DAB1: variants seen among roughly 807,000 people sequenced by gnomAD.
DAB1 encodes the protein DAB adaptor protein 1.
DAB1 carries 15 observed loss-of-function variants against 64.6 expected under a neutral mutation model. The ratio of observed to expected loss-of-function variants is 0.23; its 90% CI spans 0.16 to 0.36. The LOEUF is 0.36. DAB1 is among the 10% of genes least tolerant of loss of function. The probability of loss-of-function intolerance (pLI) is 1.00; values close to 1 mark genes in which losing one functional copy is unlikely to be tolerated. For missense variants in DAB1, 596 were observed against 706.7 expected, an observed-to-expected ratio of 0.84 and a Z score of 1.78; for synonymous variants, 235 against 251.9, an observed-to-expected ratio of 0.93 and a Z score of 0.64.
At chr1:58,041,011 A>C (rs1231219104) in intron 5 of DAB1, among the ~76,000 whole-genome samples, 1 of 152,218 alleles carries the variant, frequency 6.6e-6, no homozygotes, top group Non-Finnish European at 1.5e-5. Context: ...GATACATTAC[A>C]GTTCCGTAAA....
intron 6 of DAB1, among the ~76,000 whole-genome samples, chr1:57,673,123 T>C (rs1215878377): frequency 6.6e-6 from 1 of 152,138 alleles, no homozygotes; most frequent in East Asian, 1.9e-4. Context: ...GCAAATTAGG[T>C]GTCTGGTGAG....
rs192028534 is a variant in DAB1, at chr1:57,898,565, C to A, written n.388-14403G>T. On this transcript the variant is annotated intron_variant and non_coding_transcript_variant, in intron 5 of 20. Transcript: ENST00000485760. Reference sequence around the variant, plus strand: ...ATACCAAATACGGAAGACTTTGGACCAAGGGAACTTAATTAAAAAAATATC... The same window carrying A: ...ATACCAAATACGGAAGACTTTGGACAAAGGGAACTTAATTAAAAAAATATC... 3.3e-5 allele frequency among the ~76,000 whole-genome samples: 5 copies of A among 152,160 alleles called. No individual in the cohort carries two copies. In the East Asian group the frequency reaches 9.6e-4, roughly 29 times the overall value.
intron 1 of DAB1, among the ~76,000 whole-genome samples, chr1:57,398,965 G>A (rs1472138576): frequency 6.6e-6 from 1 of 152,184 alleles, no homozygotes; most frequent in Non-Finnish European, 1.5e-5. Flanking sequence ...CCTTCTTCTG[G>A]GGAAATGCAG....
At chr1:57,589,621 G>A (rs1271475026) in intron 7 of DAB1, among the ~76,000 whole-genome samples, 2 of 152,056 alleles carry the variant, frequency 1.3e-5, no homozygotes, top group African/African-American at 2.4e-5. Context: ...GCCAGGTGTG[G>A]TGGTGCATGC....
rs141109649 is a variant in DAB1, at chr1:57,929,694, C to T, written n.388-45532G>A. Among the ~76,000 whole-genome samples the T allele has an allele frequency of 2.6e-3, 395 of 152,206 alleles. 5 individuals carry two copies. The highest frequency in any genetic ancestry group is 9.1e-3 in the African/African-American group (377 of 41,526). Reference sequence around the variant, plus strand: ...GCATCTCCTTGGCTTCTGGTGAGGGCTTTTGTGTTGCATCAAAACATGGTA... The same window carrying T: ...GCATCTCCTTGGCTTCTGGTGAGGGTTTTTGTGTTGCATCAAAACATGGTA... On this transcript the variant is annotated intron_variant and non_coding_transcript_variant, in intron 5 of 20. Coordinates refer to the DAB1 transcript ENST00000485760.
intron 7 of DAB1, among the ~76,000 whole-genome samples, chr1:57,451,293 C>T (rs1337410157): frequency 6.6e-6 from 1 of 152,198 alleles, no homozygotes; most frequent in East Asian, 1.9e-4. Flanking sequence ...CCCACAGACA[C>T]ATGGACAAGG....
At chr1:57,511,290 C>T (rs1387960694) in intron 7 of DAB1, among the ~76,000 whole-genome samples, 1 of 152,156 alleles carries the variant, frequency 6.6e-6, no homozygotes, top group Non-Finnish European at 1.5e-5. Flanking sequence ...GTCAACCTCC[C>T]TCACCCAACT....
chr1:58,143,856 C>A (rs1004888641), intron 5 of DAB1, among the ~76,000 whole-genome samples: 5 of 152,192 alleles, frequency 3.3e-5, no homozygotes, highest in African/African-American at 1.2e-4. Context: ...GTTTTTCTCG[C>A]CCTGACAGTA....
At chr1:58,044,199 A>G (rs1182134397) in intron 5 of DAB1, among the ~76,000 whole-genome samples, 1 of 152,200 alleles carries the variant, frequency 6.6e-6, no homozygotes, top group African/African-American at 2.4e-5. Context: ...GGAGACCAGA[A>G]GGAGGGAAGA....
At chr1:58,265,265 CCA>C (rs1661133190) in intron 4 of DAB1, among the ~76,000 whole-genome samples, 1 of 152,228 alleles carries the variant, frequency 6.6e-6, no homozygotes, top group Admixed American at 6.5e-5. Flanking sequence ...AAACTGCAGA[CCA>C]CAGATTCAAT....
intron 6 of DAB1, among the ~76,000 whole-genome samples, chr1:57,815,165 G>A (rs568626423): frequency 1.1e-4 from 17 of 151,846 alleles, no homozygotes; most frequent in African/African-American, 2.7e-4. Context: ...TCCACCTCCC[G>A]GGTTCACACC....
chr1:58,276,730 A>C (rs961437943), intron 4 of DAB1, among the ~76,000 whole-genome samples: 3 of 152,212 alleles, frequency 2.0e-5, no homozygotes, highest in African/African-American at 7.2e-5. Flanking sequence ...ATGACTTGAG[A>C]ACTGGCTATC....
intron 4 of DAB1, among the ~76,000 whole-genome samples, chr1:58,190,789 C>G (rs919985494): frequency 6.6e-6 from 1 of 152,132 alleles, no homozygotes; most frequent in Non-Finnish European, 1.5e-5. Flanking sequence ...TCGGCAAGAC[C>G]GGGGAACAAA....
chr1:57,340,942 A>C (rs965753283), intron 1 of DAB1, among the ~76,000 whole-genome samples: 7 of 152,180 alleles, frequency 4.6e-5, no homozygotes, highest in African/African-American at 1.7e-4. Context: ...CAATGATCCC[A>C]GGGAAGGAAG....
At chr1:57,635,331 G>A (rs532460901) in intron 7 of DAB1, among the ~76,000 whole-genome samples, 1 of 152,288 alleles carries the variant, frequency 6.6e-6, no homozygotes, top group Admixed American at 6.5e-5. Context: ...GAGCCGCATA[G>A]TAGGAGGTGA....
intron 1 of DAB1, among the ~76,000 whole-genome samples, chr1:57,879,155 T>C (rs1644102703): frequency 3.3e-5 from 5 of 152,182 alleles, no homozygotes; most frequent in Admixed American, 2.6e-4. Flanking sequence ...TCTCTTCATC[T>C]ATGTCATTTT....
chr1:57,516,416 T>C (rs1644464130), intron 7 of DAB1, among the ~76,000 whole-genome samples: 2 of 152,174 alleles, frequency 1.3e-5, no homozygotes, highest in African/African-American at 4.8e-5. Context: ...AATCTCGAAA[T>C]TCACTAGTAT....
intron 1 of DAB1, among the ~76,000 whole-genome samples, chr1:57,829,801 T>C (rs937416512): frequency 1.3e-5 from 2 of 152,304 alleles, no homozygotes; most frequent in African/African-American, 2.4e-5. Flanking sequence ...AGCCCCAAAT[T>C]GCTTTTTCTG....
intron 7 of DAB1, among the ~76,000 whole-genome samples, chr1:57,575,261 T>C (rs1315611967): frequency 6.6e-6 from 1 of 152,246 alleles, no homozygotes; most frequent in Non-Finnish European, 1.5e-5. Flanking sequence ...TTAAACCTGA[T>C]GAAGAAGCAA....
Sources: gnomAD v4.1 joint callset for allele counts (sites outside exome capture counted in the v4.1 genomes callset) on GRCh38, gnomAD v4.1.1 for gene constraint, MANE v1.5 for transcripts, NCBI Gene and HGNC (gene_info 2026-07-23, HGNC 2026-07-21) for gene names.